The following MACROD2 variants were observed in gnomAD, a reference collection of about 807,000 sequenced individuals.
The protein encoded by MACROD2 is ADP-ribose glycohydrolase MACROD2.
A neutral mutation model predicts 70.4 loss-of-function variants in MACROD2; 36 were observed. The ratio of observed to expected loss-of-function variants is 0.51; its 90% confidence interval spans 0.39 to 0.68. The LOEUF (loss-of-function observed/expected upper bound fraction) is 0.68, where lower values mean the gene tolerates loss of function less well. MACROD2 is among the 30% of genes least tolerant of loss of function. The pLI, the probability that MACROD2 is intolerant of heterozygous loss-of-function variation, is 0.00. For missense variants in MACROD2, 496 were observed against 538.4 expected, an observed-to-expected ratio of 0.92 and a Z score of 0.78; for synonymous variants, 172 against 178.8, an observed-to-expected ratio of 0.96 and a Z score of 0.30.
At chr20:15,781,524 G>A (rs2147038869) in intron 8 of MACROD2, among the ~76,000 whole-genome samples, 1 of 152,260 alleles carries the variant, frequency 6.6e-6, no homozygotes, top group South Asian at 2.1e-4. Flanking sequence ...GGCTATCTCT[G>A]CTTTCAAGAT....
Position 14,277,762 on chromosome 20 carries a change from GA to G in MACROD2, c.271+192035del, listed in dbSNP as rs927956919. 5.1e-4 allele frequency among the ~76,000 whole-genome samples: 77 copies of G among 152,246 alleles called. 1 individual carries two copies. Among genetic ancestry groups the G allele is most frequent in the African/African-American group, 1.6e-3 (68 of 41,550 alleles). On this transcript the variant is annotated intron_variant, in intron 3 of 17. Coordinates refer to ENST00000684519, the MANE Select transcript of MACROD2 (RefSeq NM_001351661.2). ...ATAGGTAGAGAATCTAATTTAATCCGAGGTGTGGGAGGAGGAGGAGAGGATT... is the reference window on the plus strand; with the variant it reads ...ATAGGTAGAGAATCTAATTTAATCCGGGTGTGGGAGGAGGAGGAGAGGATT...
chr20:15,689,024 C>A (rs756164863), intron 8 of MACROD2, among the ~76,000 whole-genome samples: 1 of 152,228 alleles, frequency 6.6e-6, no homozygotes. Flanking sequence ...GTAGATTGGG[C>A]CGGGCGTGAT....
At chr20:14,915,515 T>G (rs905882507) in intron 5 of MACROD2, among the ~76,000 whole-genome samples, 2 of 152,182 alleles carry the variant, frequency 1.3e-5, no homozygotes, top group African/African-American at 4.8e-5. Flanking sequence ...TTCGTGGTCC[T>G]GTTGCTCCTG....
chr20:15,070,817 C>T (rs1256960308), intron 5 of MACROD2, among the ~76,000 whole-genome samples: 1 of 151,668 alleles, frequency 6.6e-6, no homozygotes, highest in Non-Finnish European at 1.5e-5. Context: ...TCCTTTATGG[C>T]AACTCAAAAC....
intron 5 of MACROD2, among the ~76,000 whole-genome samples, chr20:14,765,019 C>T (rs2072067733): frequency 6.6e-6 from 1 of 152,098 alleles, no homozygotes; most frequent in African/African-American, 2.4e-5. Flanking sequence ...GCTGCCTTAC[C>T]AGCTGAACCG....
At chr20:15,618,155 G>C (rs918786927) in intron 8 of MACROD2, among the ~76,000 whole-genome samples, 1 of 140,144 alleles carries the variant, frequency 7.1e-6, no homozygotes, top group Non-Finnish European at 1.5e-5. Flanking sequence ...AGTCCTTTGG[G>C]CTCTTGGGGC....
At chr20:15,217,674 C>T (rs1215134361) in intron 5 of MACROD2, among the ~76,000 whole-genome samples, 1 of 152,106 alleles carries the variant, frequency 6.6e-6, no homozygotes, top group Non-Finnish European at 1.5e-5. Flanking sequence ...CAACCACAAC[C>T]CCATTTCTAA....
intron 10 of MACROD2, among the ~76,000 whole-genome samples, chr20:15,926,654 A>G (rs1473717898): frequency 6.6e-6 from 1 of 152,178 alleles, no homozygotes; most frequent in Non-Finnish European, 1.5e-5. Flanking sequence ...ACATTTAAGC[A>G]GTAACTTGAA....
intron 8 of MACROD2, among the ~76,000 whole-genome samples, chr20:15,551,662 A>T (rs1010971501): frequency 2.5e-4 from 38 of 152,022 alleles, no homozygotes; most frequent in Middle Eastern, 3.4e-3. Flanking sequence ...GTGCATCAGG[A>T]GTTAGAGACC....
chr20:14,875,354 C>CTTCT (rs1291578514), intron 5 of MACROD2, among the ~76,000 whole-genome samples: 1 of 152,032 alleles, frequency 6.6e-6, no homozygotes, highest in Non-Finnish European at 1.5e-5. Flanking sequence ...GCACTCCAGC[C>CTTCT]TTCTAGTCTG....
At chr20:14,674,780 C>A (rs1335722610) in intron 4 of MACROD2, among the ~76,000 whole-genome samples, 1 of 152,160 alleles carries the variant, frequency 6.6e-6, no homozygotes, top group Admixed American at 6.6e-5. Flanking sequence ...AGTTGTTTAA[C>A]AAATTTATGG....
At chr20:15,958,182 G>A (rs1330713216) in intron 12 of MACROD2, among the ~76,000 whole-genome samples, 1 of 152,086 alleles carries the variant, frequency 6.6e-6, no homozygotes, top group East Asian at 1.9e-4. Context: ...CTGATATTCC[G>A]CCAGTACACT....
chr20:14,328,671 T>C (rs1004258078), intron 3 of MACROD2, among the ~76,000 whole-genome samples: 1 of 152,116 alleles, frequency 6.6e-6, no homozygotes, highest in Non-Finnish European at 1.5e-5. Flanking sequence ...TATAAACTTT[T>C]GTTTAGTCCT....
chr20:15,049,018 A>G (rs1276628540), intron 5 of MACROD2, among the ~76,000 whole-genome samples: 3 of 152,112 alleles, frequency 2.0e-5, no homozygotes, highest in Non-Finnish European at 4.4e-5. Context: ...TTTTCTTTTT[A>G]AAATTTTTCT....
At chr20:14,140,650 G>A (rs1015981754) in intron 3 of MACROD2, among the ~76,000 whole-genome samples, 5 of 152,026 alleles carry the variant, frequency 3.3e-5, no homozygotes, top group African/African-American at 9.7e-5. Context: ...AGGGTGGTAG[G>A]ATAGAGCTTG....
chr20:15,804,470 T>C (rs2063751996), intron 8 of MACROD2, among the ~76,000 whole-genome samples: 1 of 152,222 alleles, frequency 6.6e-6, no homozygotes, highest in Non-Finnish European at 1.5e-5. Context: ...ATGACAAACT[T>C]TCATTTGAAT....
At chr20:14,869,341 G>A (rs2073462309) in intron 5 of MACROD2, among the ~76,000 whole-genome samples, 1 of 152,086 alleles carries the variant, frequency 6.6e-6, no homozygotes, top group Non-Finnish European at 1.5e-5. Flanking sequence ...AGTTTAAGTT[G>A]GAAGGGGTTT....
At chr20:15,832,930 T>C (rs540675936) in intron 8 of MACROD2, among the ~76,000 whole-genome samples, 2 of 152,354 alleles carry the variant, frequency 1.3e-5, no homozygotes, top group African/African-American at 2.4e-5. Context: ...AGGAAGATGT[T>C]GAATTTTGTG....
intron 8 of MACROD2, among the ~76,000 whole-genome samples, chr20:15,751,131 C>T (rs993990644): frequency 6.6e-6 from 1 of 151,934 alleles, no homozygotes; most frequent in Admixed American, 6.6e-5. Context: ...AGAAGATAAG[C>T]TTTTGAATGT....
Sources: gnomAD v4.1 joint callset for allele counts (sites outside exome capture counted in the v4.1 genomes callset) on GRCh38, gnomAD v4.1.1 for gene constraint, MANE v1.5 for transcripts, NCBI Gene and HGNC (gene_info 2026-07-23, HGNC 2026-07-21) for gene names.